The following RNF115 variants were observed in gnomAD, a reference collection of about 807,000 sequenced individuals.
RNF115 encodes the protein ring finger protein 115.
A neutral mutation model predicts 39.2 loss-of-function variants in RNF115; 31 were observed. That is an observed-to-expected ratio of 0.79 (90% CI 0.59 to 1.07). The LOEUF (loss-of-function observed/expected upper bound fraction) is 1.07, where lower values mean the gene tolerates loss of function less well. RNF115 is among the 50% of genes least tolerant of loss of function. The pLI, the probability that RNF115 is intolerant of heterozygous loss-of-function variation, is 0.00. For synonymous variants in RNF115, 124 were observed against 131.0 expected, an observed-to-expected ratio of 0.95 and a Z score of 0.37; for missense variants, 384 against 381.7, an observed-to-expected ratio of 1.01 and a Z score of -0.05.
intron 4 of RNF115, among the ~76,000 whole-genome samples, chr1:145,757,896 C>G (rs1357353820): frequency 1.3e-5 from 2 of 152,120 alleles, no homozygotes; most frequent in Non-Finnish European, 2.9e-5. Flanking sequence ...GGAGCCACAC[C>G]CACACTTGGA....
At chr1:145,763,624 G>C (rs781897214) in intron 4 of RNF115, among the ~76,000 whole-genome samples, 18 of 151,112 alleles carry the variant, frequency 1.2e-4, no homozygotes, top group Non-Finnish European at 2.2e-4. Context: ...GCTTGAACCT[G>C]GGAAGCAGAG....
At chr1:145,787,311 C>T (rs1460425462) in intron 2 of RNF115, among the ~76,000 whole-genome samples, 3 of 152,322 alleles carry the variant, frequency 2.0e-5, no homozygotes, top group Admixed American at 6.5e-5. Context: ...CAGTGGCTCA[C>T]ACTTGTAATC....
chr1:145,778,619 T>G (rs895529477), intron 3 of RNF115, among the ~76,000 whole-genome samples: 12 of 152,140 alleles, frequency 7.9e-5, no homozygotes, highest in African/African-American at 2.9e-4. Context: ...TAAAGCAAAG[T>G]AAGGAAGATA....
Position 145,743,341 on chromosome 1 carries a change from A to C in RNF115, c.*3525T>G, listed in dbSNP as rs1657742358. On this transcript the variant is annotated 3_prime_UTR_variant, in exon 9 of 9. Coordinates refer to ENST00000582693, the MANE Select transcript of RNF115 (RefSeq NM_014455.4). ...GACCTCAGTCTTTTCCTGCCTCTGA[A>C]CTGGAACAGAAACATCAGCTCTTCT... is the stretch of plus-strand genomic sequence containing the variant. The C allele has an allele frequency of 6.6e-6, 1 of 152,162 alleles. No homozygotes were observed. The highest frequency in any genetic ancestry group is 6.5e-5 in the Admixed American group (1 of 15,270). The allele number at this position is 152,162 out of a possible 1,614,324, so 9.4% of individuals were successfully genotyped here.
At chr1:145,782,612 A>G (rs1648199564) in intron 3 of RNF115, among the ~76,000 whole-genome samples, 1 of 152,258 alleles carries the variant, frequency 6.6e-6, no homozygotes, top group African/African-American at 2.4e-5. Flanking sequence ...AAGTTAGGAA[A>G]CTGACTACAT....
chr1:145,778,509 G>A (rs899110331), intron 3 of RNF115, among the ~76,000 whole-genome samples: 1 of 152,122 alleles, frequency 6.6e-6, no homozygotes, highest in African/African-American at 2.4e-5. Context: ...AATAATATTA[G>A]AGTGTATAAA....
At chr1:145,819,291 A>C (rs1375815350) in intron 1 of RNF115, among the ~76,000 whole-genome samples, 11,752 of 135,506 alleles carry the variant, frequency 0.087, 2 homozygotes, top group East Asian at 0.24. Flanking sequence ...AAAAAAAAAA[A>C]AAAAAAAAAC....
chr1:145,776,697 G>A (rs906131841), intron 3 of RNF115, among the ~76,000 whole-genome samples: 12 of 150,868 alleles, frequency 8.0e-5, no homozygotes, highest in South Asian at 2.1e-4. Flanking sequence ...TTAGCTGGGC[G>A]TGGTGGAGCA....
intron 1 of RNF115, among the ~76,000 whole-genome samples, chr1:145,805,449 CAA>C (rs782498674): frequency 7.4e-5 from 9 of 122,178 alleles, no homozygotes; most frequent in Non-Finnish European, 3.6e-5. Context: ...CCCAAGTCTT[CAA>C]AAAAAAAAAA....
rs1657736015 is a variant in RNF115, at chr1:145,743,128, CCAGATATTTGGTCATA to C, written c.*3722_*3737del. ...TCAACTTGACTAGGCCACATGATGC[CCAGATATTTGGTCATA>C]CAGTATTCTGGGTGTGTCTGTGAAG... is the stretch of plus-strand genomic sequence containing the variant. On this transcript the variant is annotated 3_prime_UTR_variant, in exon 9 of 9. Coordinates refer to ENST00000582693, the MANE Select transcript of RNF115 (RefSeq NM_014455.4). 6.6e-6 allele frequency: 1 copy of C among 152,084 alleles called. No homozygotes were observed. The highest frequency in any genetic ancestry group is 6.5e-5 in the Admixed American group (1 of 15,268). 9.4% of individuals were successfully genotyped at this position (152,084 alleles called of 1,614,324 possible). A position where few individuals can be genotyped will look rare whatever the true frequency, so the allele number is the denominator to read the frequency against.
At chr1:145,774,825 A>C in intron 3 of RNF115, among the ~76,000 whole-genome samples, 1 of 152,126 alleles carries the variant, frequency 6.6e-6, no homozygotes, top group Non-Finnish European at 1.5e-5. Context: ...TAATTGCCTT[A>C]GTATCTTTTT....
chr1:145,760,780 T>C (rs1013726979), intron 4 of RNF115, among the ~76,000 whole-genome samples: 1 of 152,080 alleles, frequency 6.6e-6, no homozygotes, highest in South Asian at 2.1e-4. Flanking sequence ...ATACCAAAAA[T>C]GTGGAATTGA....
intron 4 of RNF115, among the ~76,000 whole-genome samples, chr1:145,767,393 G>A (rs1426184279): frequency 1.2e-4 from 18 of 151,044 alleles, no homozygotes; most frequent in Admixed American, 5.9e-4. Flanking sequence ...GGGCAGAGGC[G>A]CTCCCCACAT....
rs1553718544 is a variant in RNF115 at position 145,788,976 on chromosome 1, A to G, written c.103-10T>C. The G allele has an allele frequency of 6.4e-7, 1 of 1,561,980 alleles. No homozygotes were observed. Among genetic ancestry groups the G allele is most frequent in the Middle Eastern group, 1.7e-4 (1 of 5,896 alleles). On this transcript the variant is annotated splice_polypyrimidine_tract_variant and intron_variant, in intron 1 of 8. Coordinates refer to ENST00000582693, the MANE Select transcript of RNF115 (RefSeq NM_014455.4). ...TGGGACATATATATTCCTATAAAAG[A>G]AAGGAAGAAACAAATAAAACTTTTT...
intron 1 of RNF115, among the ~76,000 whole-genome samples, chr1:145,817,557 G>A (rs587624839): frequency 7.0e-6 from 1 of 142,524 alleles, no homozygotes; most frequent in South Asian, 2.3e-4. Flanking sequence ...GACTATAAAT[G>A]GTTTTTAGGT....
intron 1 of RNF115, among the ~76,000 whole-genome samples, chr1:145,810,795 T>A (rs1257423049): frequency 2.8e-5 from 4 of 143,650 alleles, no homozygotes; most frequent in South Asian, 2.2e-4. Context: ...AAAATCTGTA[T>A]AATTACCAAA....
chr1:145,807,206 T>C (rs1464129350), intron 1 of RNF115, among the ~76,000 whole-genome samples: 1 of 152,214 alleles, frequency 6.6e-6, no homozygotes, highest in African/African-American at 2.4e-5. Context: ...ATAGAGTATA[T>C]GTGTGTGTCC....
At chr1:145,751,792 T>C (rs1251702537) in intron 5 of RNF115, among the ~76,000 whole-genome samples, 5 of 152,182 alleles carry the variant, frequency 3.3e-5, no homozygotes, top group African/African-American at 9.7e-5. Flanking sequence ...TCATTGCCTG[T>C]TGGTTTCAAA....
intron 1 of RNF115, among the ~76,000 whole-genome samples, chr1:145,816,512 A>G (rs1649999077): frequency 2.0e-5 from 2 of 99,318 alleles, no homozygotes; most frequent in South Asian, 1.0e-3. Flanking sequence ...TTAAAAAAAA[A>G]GGTGAAATAA....
Sources: allele counts gnomAD v4.1 joint callset (sites outside exome capture counted in the v4.1 genomes callset), GRCh38; gene constraint gnomAD v4.1.1; transcripts MANE v1.5; gene names NCBI Gene and HGNC (gene_info 2026-07-23, HGNC 2026-07-21).